Variants in ABAT observed in about 807,000 individuals in gnomAD.
ABAT encodes the protein 4-aminobutyrate aminotransferase, also known as 4-aminobutyrate aminotransferase, mitochondrial.
A neutral mutation model predicts 64.6 loss-of-function variants in ABAT; 45 were observed. That is an observed-to-expected ratio of 0.70 (90% CI 0.55 to 0.89). The LOEUF is 0.89. Ranked by LOEUF, ABAT falls within the 40% of genes least tolerant of loss-of-function variation. The pLI is 0.00. For missense variants in ABAT, 633 were observed against 658.4 expected (o/e 0.96, Z 0.42); for synonymous variants, 297 against 250.5 (o/e 1.19, Z -1.75).
chr16:8,725,135 C>G (rs1383094330), intron 1 of ABAT, among the ~76,000 whole-genome samples: 1 of 152,088 alleles, frequency 6.6e-6, no homozygotes, highest in Admixed American at 6.5e-5. Context: ...GGGCTGGTCT[C>G]GAATTCCTGA....
chr16:8,713,994 G>C, intron 1 of ABAT: 1 of 440,816 alleles, frequency 2.3e-6, no homozygotes, highest in East Asian at 7.1e-5. Context: ...CAGGTCGGGG[G>C]GGCACACACC....
chr16:8,758,762 T>G (rs143869798), intron 6 of ABAT, among the ~76,000 whole-genome samples: 27 of 152,142 alleles, frequency 1.8e-4, no homozygotes, highest in African/African-American at 6.3e-4. Context: ...ACATGACACC[T>G]GTCTCTATCC....
At chr16:8,711,156 C>G (rs928894528) in intron 1 of ABAT, among the ~76,000 whole-genome samples, 3 of 152,206 alleles carry the variant, frequency 2.0e-5, no homozygotes, top group South Asian at 2.1e-4. Flanking sequence ...TGACAAATTG[C>G]TCTCCAAGCC....
intron 1 of ABAT, among the ~76,000 whole-genome samples, chr16:8,675,227 C>G (rs2057169706): frequency 6.6e-6 from 1 of 152,044 alleles, no homozygotes; most frequent in African/African-American, 2.4e-5. Context: ...ACCCTCCCAC[C>G]CCAGATACTG....
chr16:8,756,210 ACT>A (rs1220173388), intron 5 of ABAT, among the ~76,000 whole-genome samples: 2 of 152,132 alleles, frequency 1.3e-5, no homozygotes, highest in African/African-American at 4.8e-5. Context: ...ACAAGGCAAG[ACT>A]CTGCTGAAAA....
chr16:8,753,481 C>T (rs1195101178), intron 5 of ABAT, among the ~76,000 whole-genome samples: 1 of 152,210 alleles, frequency 6.6e-6, no homozygotes, highest in Non-Finnish European at 1.5e-5. Flanking sequence ...GCATAGAAAG[C>T]CCAAGGCAGG....
chr16:8,706,975 C>T (rs1731069), intron 1 of ABAT, among the ~76,000 whole-genome samples: 1 of 151,820 alleles, frequency 6.6e-6, no homozygotes, highest in African/African-American at 2.4e-5. Context: ...TGTGCCCTCC[C>T]GGAATCAGAG....
chr16:8,695,964 T>C (rs1205896364), intron 1 of ABAT, among the ~76,000 whole-genome samples: 1 of 152,234 alleles, frequency 6.6e-6, no homozygotes, highest in African/African-American at 2.4e-5. Context: ...CTTTGCCTGA[T>C]GCTTAAAGCC....
chr16:8,736,106 A>G (rs1567294275), intron 2 of ABAT: 7 of 424,474 alleles, frequency 1.6e-5, no homozygotes, highest in Non-Finnish European at 3.1e-5. Context: ...TACAGGCAAG[A>G]GAGCATGTGC....
intron 1 of ABAT, among the ~76,000 whole-genome samples, chr16:8,680,699 A>G (rs1366596927): frequency 6.6e-6 from 1 of 152,164 alleles, no homozygotes; most frequent in Non-Finnish European, 1.5e-5. Context: ...AAGTGCTGGG[A>G]TTACTGGCAT....
chr16:8,776,276 C>T lies in ABAT; in HGVS notation c.1123-68C>T. 2 of 1,611,092 alleles carry T rather than the reference C, an allele frequency of 1.2e-6. No individual in the cohort carries two copies. The highest frequency in any genetic ancestry group is 4.5e-5 in the East Asian group (2 of 44,866). On this transcript the variant is annotated intron_variant, in intron 13 of 15. Transcript: ENST00000268251. The surrounding 1 kb of genome is among the most constrained non-coding windows in gnomAD (Gnocchi z 4.4). ...CTCTTCAAGAGAGGAGGCGGGGCGC[C>T]TGGGGTAAGTGACTCCTGCAGGGTG...
chr16:8,708,922 A>C (rs1004613263), intron 1 of ABAT, among the ~76,000 whole-genome samples: 1 of 152,088 alleles, frequency 6.6e-6, no homozygotes, highest in African/African-American at 2.4e-5. Context: ...TAAGGTTTAC[A>C]CTCACTTTAG....
chr16:8,697,159 A>G (rs1249400044), intron 1 of ABAT, among the ~76,000 whole-genome samples: 1 of 152,140 alleles, frequency 6.6e-6, no homozygotes, highest in Non-Finnish European at 1.5e-5. Context: ...AGCAGGTGGT[A>G]TTTGGGCTGA....
At chr16:8,766,604 G>A (rs1283494486) in intron 9 of ABAT, among the ~76,000 whole-genome samples, 1 of 150,998 alleles carries the variant, frequency 6.6e-6, no homozygotes, top group African/African-American at 2.4e-5. Flanking sequence ...GCAGTGAGCC[G>A]AGATCACACC....
rs751426054 is a variant in ABAT, at chr16:8,768,152, C to T, written c.604-41C>T. 2.5e-6 allele frequency: 4 copies of T among 1,590,938 alleles called. No individual in the cohort carries two copies. In the South Asian group the frequency reaches 3.3e-5, roughly 13 times the overall value. On this transcript the variant is annotated intron_variant, in intron 9 of 15. Transcript: ENST00000268251. ...AGGGGCAACAATACAGTTCCCCCAT[C>T]CTTACAACTATGACTAATGACTGAT...
intron 1 of ABAT, among the ~76,000 whole-genome samples, chr16:8,725,449 T>C (rs989842499): frequency 2.0e-5 from 3 of 152,336 alleles, no homozygotes; most frequent in Non-Finnish European, 2.9e-5. Context: ...AAGGTTCCTA[T>C]AAATGGATTC....
chr16:8,763,949 A>G, intron 6 of ABAT, 120 bp from the exon 7 acceptor site: 1 of 836,796 alleles, frequency 1.2e-6, no homozygotes. Context: ...ACAGAACGTC[A>G]TCATCCTGCA....
intron 1 of ABAT, among the ~76,000 whole-genome samples, chr16:8,682,350 TG>T (rs2057356142): frequency 2.0e-5 from 3 of 152,290 alleles, no homozygotes; most frequent in Admixed American, 2.0e-4. Flanking sequence ...TGTGAATGAA[TG>T]GATGAATAAA....
intron 2 of ABAT, among the ~76,000 whole-genome samples, chr16:8,744,333 G>C (rs976549643): frequency 6.6e-6 from 1 of 151,988 alleles, no homozygotes; most frequent in African/African-American, 2.4e-5. Context: ...TCACATGGTA[G>C]GAATAGGAGC....
Sources: allele counts gnomAD v4.1 joint callset (sites outside exome capture counted in the v4.1 genomes callset), GRCh38; gene constraint gnomAD v4.1.1; non-coding constraint Gnocchi (gnomAD v3.1); transcripts MANE v1.5; gene names NCBI Gene and HGNC (gene_info 2026-07-23, HGNC 2026-07-21).